Variants in TACR2 observed in about 807,000 individuals in gnomAD.
The protein encoded by TACR2 is tachykinin receptor 2, also known as substance-K receptor.
TACR2 carries 24 observed loss-of-function variants against 28.9 expected under a neutral mutation model. The ratio of observed to expected loss-of-function variants is 0.83; its 90% CI spans 0.60 to 1.17. The LOEUF is 1.17. Among genes scored for constraint, TACR2 ranks in the 50% most tolerant of loss-of-function variants. TACR2 has a pLI of 0.00. For missense variants in TACR2, 487 were observed against 524.4 expected, an observed-to-expected ratio of 0.93 and a Z score of 0.70; for synonymous variants, 222 against 212.6, an observed-to-expected ratio of 1.04 and a Z score of -0.38.
chr10:69,405,067 C>G lies in TACR2; in HGVS notation c.956G>C (p.Arg319Pro), dbSNP rs148162885. The G allele has an allele frequency of 6.2e-7, 1 of 1,613,722 alleles. No individual in the cohort carries two copies. Among genetic ancestry groups the G allele is most frequent in the South Asian group, 1.1e-5 (1 of 91,018 alleles). The change falls in exon 5 of 5, where the codon CGG becomes CCG. Residue 319 changes from arginine to proline, a missense_variant. Transcript: ENST00000373306. The part of the protein sequence containing the change: ...CLNHRFRSGF[R>P]LAFRCCPWVT... ...CCATGGGCAGCAGCGGAAGGCAAGC[C>G]GGAATCCAGAGCGAAACCTGGGGGA...
intron 2 of TACR2, among the ~76,000 whole-genome samples, chr10:69,413,701 G>A (rs576343318): frequency 1.3e-5 from 2 of 152,284 alleles, no homozygotes; most frequent in South Asian, 4.1e-4. Flanking sequence ...AGGCAGGGAG[G>A]ATGTTGGAGG....
chr10:69,408,544 C>A (rs138985128), intron 3 of TACR2, among the ~76,000 whole-genome samples: 2,522 of 152,132 alleles, frequency 0.017, 74 homozygotes, highest in African/African-American at 0.058. Context: ...TGGGCTCAAG[C>A]TATCCTCCCG....
chr10:69,408,194 G>A (rs572225011), intron 3 of TACR2, among the ~76,000 whole-genome samples: 18 of 152,240 alleles, frequency 1.2e-4, no homozygotes, highest in African/African-American at 4.1e-4. Context: ...TGCCACTTCC[G>A]GAAGAAACTG....
chr10:69,409,112 C>G (rs545373959), intron 2 of TACR2, 37 bp from the exon 3 acceptor site: 2 of 1,509,438 alleles, frequency 1.3e-6, no homozygotes, highest in Non-Finnish European at 1.8e-6. Context: ...GCGGAGGGCC[C>G]GGGGGCGACT....
At chr10:69,409,930 T>TATATATATATAC (rs1840554597) in intron 2 of TACR2, among the ~76,000 whole-genome samples, 1 of 95,262 alleles carries the variant, frequency 1.0e-5, no homozygotes, top group Admixed American at 1.1e-4. Flanking sequence ...TATATATATA[T>TATATATATATAC]ATATATATAT....
At chr10:69,407,528 G>T (rs1840513965) in intron 3 of TACR2, among the ~76,000 whole-genome samples, 1 of 152,196 alleles carries the variant, frequency 6.6e-6, no homozygotes, top group Non-Finnish European at 1.5e-5. Context: ...CTCACTCCTT[G>T]AAGCCCAGCT....
At chr10:69,410,352 A>G (rs1840558953) in intron 2 of TACR2, among the ~76,000 whole-genome samples, 1 of 143,706 alleles carries the variant, frequency 7.0e-6, no homozygotes, top group Non-Finnish European at 1.6e-5. Context: ...CCCTATCTCT[A>G]TTAAAAAAAA....
chr10:69,414,474 A>G (rs1035864406), intron 2 of TACR2, among the ~76,000 whole-genome samples: 3 of 152,224 alleles, frequency 2.0e-5, no homozygotes, highest in Non-Finnish European at 2.9e-5. Flanking sequence ...GTGTGCATGC[A>G]TGCATATCCT....
intron 2 of TACR2, among the ~76,000 whole-genome samples, chr10:69,410,442 GC>G (rs1840560003): frequency 6.6e-6 from 1 of 150,974 alleles, no homozygotes; most frequent in African/African-American, 2.4e-5. Flanking sequence ...GTTCACTTGA[GC>G]CCAGGAGATC....
In TACR2 at chr10:69,408,861, CCCG is replaced by C; in HGVS notation, c.741+58_741+60del. 1.2e-5 allele frequency: 4 copies of C among 340,212 alleles called. 1 individual carries two copies. In the South Asian group the frequency reaches 3.4e-4, roughly 29 times the overall value. The allele number at this position is 340,212 out of a possible 1,614,324, so 21.1% of individuals were successfully genotyped here. Reference sequence around the variant, plus strand: ...GGCCCCGCCCCCATGAGGCCTCGCCCCCGCCAGCCCCCCGCCCCCTCCAGGCCC... The same window carrying C: ...GGCCCCGCCCCCATGAGGCCTCGCCCCCAGCCCCCCGCCCCCTCCAGGCCC... On this transcript the variant is annotated intron_variant, in intron 3 of 4. Coordinates refer to ENST00000373306, the MANE Select transcript of TACR2 (RefSeq NM_001057.3).
chr10:69,408,413 G>T (rs1418521654), intron 3 of TACR2, among the ~76,000 whole-genome samples: 1 of 151,878 alleles, frequency 6.6e-6, no homozygotes, highest in Non-Finnish European at 1.5e-5. Flanking sequence ...ATTCTACGGG[G>T]CTTTAGGAGT....
rs3793853 is a variant in TACR2 at position 69,416,873 on chromosome 10, G to A, written c.-550C>T. The A allele has an allele frequency of 0.23, 34,720 of 152,606 alleles. 4,742 individuals carry two copies. The highest frequency in any genetic ancestry group is 0.31 in the Non-Finnish European group (21,040 of 68,266). The allele number at this position is 152,606 out of a possible 1,614,324, so 9.5% of individuals were successfully genotyped here. The stretch of plus-strand genomic sequence containing the variant: ...CCGGGCTGGGTGCTGGGTGCTCAGG[G>A]CTCTGCCAGCTGCCAGCCCTCGCTG... On this transcript the variant is annotated 5_prime_UTR_variant, in exon 1 of 5. Transcript: ENST00000373306.
At chr10:69,409,924 T>C (rs1460461658) in intron 2 of TACR2, among the ~76,000 whole-genome samples, 11 of 93,738 alleles carry the variant, frequency 1.2e-4, no homozygotes, top group Admixed American at 2.2e-4. Flanking sequence ...TATATATATA[T>C]ATATATATAT....
chr10:69,405,745 C>G (rs1008139660), intron 4 of TACR2, among the ~76,000 whole-genome samples: 15 of 152,292 alleles, frequency 9.8e-5, no homozygotes, highest in South Asian at 4.2e-4. Flanking sequence ...GTTTAGACTC[C>G]CAGGGACTGT....
chr10:69,407,564 T>A (rs1465173575), intron 3 of TACR2, among the ~76,000 whole-genome samples: 6 of 152,190 alleles, frequency 3.9e-5, no homozygotes, highest in Admixed American at 3.9e-4. Context: ...ACAAAAGGTG[T>A]CTGGGACCCC....
chr10:69,409,343 CA>C (rs34345578), intron 2 of TACR2: 7 of 336,534 alleles, frequency 2.1e-5, no homozygotes, highest in East Asian at 4.5e-5. Flanking sequence ...AGACACGTGT[CA>C]AAAAAAGGAA....
chr10:69,407,416 G>A, intron 3 of TACR2, 136 bp from the exon 4 acceptor site: 2 of 848,012 alleles, frequency 2.4e-6, no homozygotes, highest in Non-Finnish European at 1.8e-6. Context: ...TATTACTCAG[G>A]CCTCTGAGCA....
chr10:69,408,232 T>A (rs61363374), intron 3 of TACR2, among the ~76,000 whole-genome samples: 10,244 of 152,182 alleles, frequency 0.067, 1,062 homozygotes, highest in African/African-American at 0.22. Context: ...GCTGGACAAC[T>A]ATCTGGTCTC....
chr10:69,405,760 C>T (rs1840496489), intron 4 of TACR2, among the ~76,000 whole-genome samples: 1 of 152,196 alleles, frequency 6.6e-6, no homozygotes, highest in African/African-American at 2.4e-5. Flanking sequence ...GACTGTATCT[C>T]CCTTGGGTAG....
Sources: gnomAD v4.1 joint callset for allele counts (sites outside exome capture counted in the v4.1 genomes callset) on GRCh38, gnomAD v4.1.1 for gene constraint, MANE v1.5 for transcripts, NCBI Gene and HGNC (gene_info 2026-07-23, HGNC 2026-07-21) for gene names.